CFTR: variants seen among roughly 807,000 people sequenced by gnomAD.
The protein encoded by CFTR is cystic fibrosis transmembrane conductance regulator.
Under a neutral mutation model 171.6 loss-of-function variants are expected in CFTR, and 181 were observed. That is an observed-to-expected ratio of 1.05 (90% CI 0.93 to 1.19). CFTR has a LOEUF of 1.19. Among genes scored for constraint, CFTR ranks in the 50% most tolerant of loss-of-function variants. The pLI, the probability that CFTR is intolerant of heterozygous loss-of-function variation, is 0.00. For missense variants in CFTR, 1,968 were observed against 1,734.7 expected (o/e 1.13, Z -2.39); for synonymous variants, 583 against 608.0 (o/e 0.96, Z 0.60).
chr7:117,613,660 C>T (rs1434623661), intron 20 of CFTR, among the ~76,000 whole-genome samples: 3 of 152,004 alleles, frequency 2.0e-5, no homozygotes, highest in Admixed American at 6.6e-5. Context: ...TAAATCTTGC[C>T]TATATGAAAA....
chr7:117,559,390 G>A, intron 10 of CFTR, 74 bp from the exon 11 acceptor site: 2 of 928,976 alleles, frequency 2.2e-6, no homozygotes, highest in Admixed American at 1.7e-5. Context: ...CTTCTGCTTA[G>A]GATGATAATT....
intron 1 of CFTR, among the ~76,000 whole-genome samples, chr7:117,485,233 T>G (rs922815922): frequency 2.0e-5 from 3 of 152,178 alleles, no homozygotes; most frequent in African/African-American, 7.2e-5. Flanking sequence ...AGGAAGGGTG[T>G]TAACTATTTA....
At chr7:117,620,079 T>C (rs1792551668) in intron 21 of CFTR, among the ~76,000 whole-genome samples, 1 of 152,180 alleles carries the variant, frequency 6.6e-6, no homozygotes, top group South Asian at 2.1e-4. Flanking sequence ...CTTCAATTTT[T>C]TTTTTTGGTC....
intron 7 of CFTR, among the ~76,000 whole-genome samples, chr7:117,539,777 A>G (rs565615211): frequency 6.6e-6 from 1 of 152,020 alleles, no homozygotes; most frequent in East Asian, 1.9e-4. Context: ...AATGAAGTAA[A>G]GGTTTAAAAA....
intron 11 of CFTR, among the ~76,000 whole-genome samples, chr7:117,583,694 G>C (rs1198352520): frequency 6.6e-6 from 1 of 151,992 alleles, no homozygotes; most frequent in African/African-American, 2.4e-5. Context: ...ATACCCAGCA[G>C]TGGGACTGCT....
At chr7:117,566,046 A>T (rs1430097905) in intron 11 of CFTR, among the ~76,000 whole-genome samples, 1 of 152,176 alleles carries the variant, frequency 6.6e-6, no homozygotes, top group Non-Finnish European at 1.5e-5. Context: ...CTGTAGGAGA[A>T]TTTATGAATG....
intron 2 of CFTR, among the ~76,000 whole-genome samples, chr7:117,504,675 G>T (rs939716305): frequency 6.6e-6 from 1 of 150,852 alleles, no homozygotes; most frequent in African/African-American, 2.4e-5. Flanking sequence ...GGTTACTTGA[G>T]CCCAGGAGTT....
Position 117,613,941 on chromosome 7 carries a change from TA to T in CFTR, c.3368-662del, listed in dbSNP as rs562159015. Among the ~76,000 whole-genome samples the T allele has an allele frequency of 1.3e-3, 172 of 136,394 alleles. 2 individuals carry two copies. Among genetic ancestry groups the T allele is most frequent in the Admixed American group, 2.9e-3 (39 of 13,564 alleles). 89.5% of individuals were successfully genotyped at this position (136,394 alleles called of 152,430 possible). ...TTTAATTAGCTGTCCTCTTTAGCCC[TA>T]AAAAAAAAATTACTGTAATTTAACA... On this transcript the variant is annotated intron_variant, in intron 20 of 26. Transcript: ENST00000003084.
intron 7 of CFTR, among the ~76,000 whole-genome samples, chr7:117,537,190 GAAGTGAAGT>G (rs1292071315): frequency 6.6e-6 from 1 of 152,176 alleles, no homozygotes; most frequent in Non-Finnish European, 1.5e-5. Flanking sequence ...TCCTCCACTT[GAAGTGAAGT>G]CAGTTCAAGT....
At chr7:117,654,458 C>T (rs1562926527) in intron 24 of CFTR, among the ~76,000 whole-genome samples, 1 of 151,906 alleles carries the variant, frequency 6.6e-6, no homozygotes, top group Non-Finnish European at 1.5e-5. Context: ...GGGTGTGTCC[C>T]CACCCAAATC....
intron 22 of CFTR, among the ~76,000 whole-genome samples, chr7:117,640,870 G>C (rs1792901499): frequency 6.6e-6 from 1 of 152,018 alleles, no homozygotes; most frequent in Admixed American, 6.6e-5. Context: ...CTTCCATCTG[G>C]CTATCCCTTA....
At chr7:117,650,175 T>G (rs1793068643) in intron 23 of CFTR, among the ~76,000 whole-genome samples, 1 of 152,104 alleles carries the variant, frequency 6.6e-6, no homozygotes, top group African/African-American at 2.4e-5. Flanking sequence ...CTAATTTCTG[T>G]TGTAGTGAAT....
intron 13 of CFTR, 114 bp downstream of exon 13, chr7:117,590,553 A>T (rs559477274): frequency 1.5e-6 from 2 of 1,292,450 alleles, no homozygotes; most frequent in African/African-American, 2.9e-5. Context: ...CATTGTTGGT[A>T]TGGCAGAATG....
At chr7:117,560,065 T>C (rs775606106) in intron 11 of CFTR, among the ~76,000 whole-genome samples, 2 of 152,098 alleles carry the variant, frequency 1.3e-5, no homozygotes, top group Non-Finnish European at 2.9e-5. Flanking sequence ...TTTTAATAAT[T>C]TTAATAATAC....
At chr7:117,497,956 T>C (rs1562880859) in intron 1 of CFTR, among the ~76,000 whole-genome samples, 1 of 152,140 alleles carries the variant, frequency 6.6e-6, no homozygotes, top group Non-Finnish European at 1.5e-5. Context: ...AATATCTTTT[T>C]TGATATTTTC....
chr7:117,535,981 T>G (rs1272640611), intron 6 of CFTR, among the ~76,000 whole-genome samples: 2 of 152,198 alleles, frequency 1.3e-5, no homozygotes, highest in Non-Finnish European at 2.9e-5. Context: ...ATAAAACATT[T>G]ATGTGAATTA....
intron 22 of CFTR, among the ~76,000 whole-genome samples, chr7:117,638,101 G>A (rs531726883): frequency 2.0e-5 from 3 of 152,184 alleles, no homozygotes; most frequent in East Asian, 1.9e-4. Context: ...CCCTACTACT[G>A]GTTCTCTCAG....
At chr7:117,493,077 C>G (rs752369789) in intron 1 of CFTR, among the ~76,000 whole-genome samples, 8 of 152,016 alleles carry the variant, frequency 5.3e-5, no homozygotes, top group Admixed American at 4.6e-4. Flanking sequence ...TCTGGCACAG[C>G]GTTTCCTTTA....
chr7:117,540,089 GT>G lies in CFTR; in HGVS notation c.870-5del, dbSNP rs759762840. 1 of 1,608,174 alleles carries G rather than the reference GT, an allele frequency of 6.2e-7. No homozygotes were observed. Among genetic ancestry groups the G allele is most frequent in the Admixed American group, 1.7e-5 (1 of 59,886 alleles). ...TAACATCCTGAATTTTATTGTTATT[GT>G]TTTTTATAGAACAGAACTGAAACTG... is the stretch of plus-strand genomic sequence containing the variant. On this transcript the variant is annotated splice_polypyrimidine_tract_variant and intron_variant, in intron 7 of 26. Coordinates refer to ENST00000003084, the MANE Select transcript of CFTR (RefSeq NM_000492.4).
Sources: gnomAD v4.1 joint callset for allele counts (sites outside exome capture counted in the v4.1 genomes callset) on GRCh38, gnomAD v4.1.1 for gene constraint, MANE v1.5 for transcripts, NCBI Gene and HGNC (gene_info 2026-07-23, HGNC 2026-07-21) for gene names.